BCKDHA: variants seen among roughly 807,000 people sequenced by gnomAD.
BCKDHA encodes the protein branched chain keto acid dehydrogenase E1 subunit alpha.
BCKDHA carries 43 observed loss-of-function variants against 52.2 expected under a neutral mutation model. The observed-to-expected ratio is 0.82, with a 90% CI of 0.64 to 1.06. The LOEUF (loss-of-function observed/expected upper bound fraction) is 1.06, where lower values mean the gene tolerates loss of function less well. Among genes scored for constraint, BCKDHA ranks in the 50% least tolerant of loss-of-function variants. BCKDHA has a pLI of 0.00. For synonymous variants in BCKDHA, 234 were observed against 247.9 expected (o/e 0.94, Z 0.53); for missense variants, 527 against 621.3 (o/e 0.85, Z 1.61).
chr19:41,418,701 T>A (rs1156745892), intron 4 of BCKDHA: 1 of 448,648 alleles, frequency 2.2e-6, no homozygotes, highest in South Asian at 1.6e-5. Context: ...TGGCTAATGT[T>A]TTGATTTTTT....
chr19:41,412,400 C>CTTTTTTTTTTTTTTTTTTTTTTTTTTTT lies in BCKDHA; in HGVS notation c.375+1395_375+1396insTTTTTTTTTTTTTTTTTTTTTTTTTTTT. ...TATTTCTTTTTTTTTTTTTTTTTTA[C>CTTTTTTTTTTTTTTTTTTTTTTTTTTTT]TTTTGAGATGGAGTTTTGCTCTTGT... On this transcript the variant is annotated intron_variant, in intron 3 of 8. Transcript: ENST00000269980. Among the ~76,000 whole-genome samples the CTTTTTTTTTTTTTTTTTTTTTTTTTTTT allele has an allele frequency of 2.3e-3, 132 of 58,116 alleles. 1 individual carries two copies. The highest frequency in any genetic ancestry group is 0.011 in the Middle Eastern group (1 of 92). 38.1% of individuals were successfully genotyped at this position (58,116 alleles called of 152,430 possible).
At chr19:41,403,165 C>A (rs536310734) in intron 1 of BCKDHA, among the ~76,000 whole-genome samples, 4 of 152,316 alleles carry the variant, frequency 2.6e-5, no homozygotes, top group South Asian at 4.1e-4. Flanking sequence ...GCACGCCTTT[C>A]CCTTCTCACG....
At chr19:41,404,840 G>A (rs1260967136) in intron 1 of BCKDHA, among the ~76,000 whole-genome samples, 2 of 151,510 alleles carry the variant, frequency 1.3e-5, no homozygotes, top group Non-Finnish European at 2.9e-5. Flanking sequence ...GACCTTAAGT[G>A]ATTCACCTGC....
intron 4 of BCKDHA, among the ~76,000 whole-genome samples, chr19:41,416,637 G>A (rs746746886): frequency 6.6e-6 from 1 of 152,168 alleles, no homozygotes; most frequent in Non-Finnish European, 1.5e-5. Context: ...GAGGAAGCAC[G>A]TGCCAGGTGT....
chr19:41,420,538 G>T (rs2039353000), intron 5 of BCKDHA, among the ~76,000 whole-genome samples: 1 of 151,844 alleles, frequency 6.6e-6, no homozygotes, highest in Non-Finnish European at 1.5e-5. Flanking sequence ...GGCAGAGTTT[G>T]CAGTGAGCTG....
chr19:41,414,193 T>C (rs757597382), intron 4 of BCKDHA, 36 bp downstream of exon 4: 3 of 1,584,602 alleles, frequency 1.9e-6, no homozygotes, highest in African/African-American at 2.7e-5. Flanking sequence ...GTGGTCCCCA[T>C]TGAAGTGTAC....
chr19:41,412,729 A>G (rs2039269953), intron 3 of BCKDHA, among the ~76,000 whole-genome samples: 1 of 148,098 alleles, frequency 6.8e-6, no homozygotes, highest in Non-Finnish European at 1.5e-5. Flanking sequence ...TTAGAGACGG[A>G]GTCCACCTCT....
intron 6 of BCKDHA, 69 bp from the exon 7 acceptor site, chr19:41,422,560 G>A (rs1260123667): frequency 1.9e-5 from 31 of 1,607,040 alleles, no homozygotes; most frequent in East Asian, 6.7e-5. Context: ...CTCCCTGCTC[G>A]TCCCCTTGGC....
chr19:41,417,625 C>T (rs574884215), intron 4 of BCKDHA, among the ~76,000 whole-genome samples: 2 of 152,268 alleles, frequency 1.3e-5, no homozygotes, highest in South Asian at 4.1e-4. Context: ...TCAACTCTAA[C>T]TAAAATATCA....
At chr19:41,416,192 C>T (rs1167589813) in intron 4 of BCKDHA, among the ~76,000 whole-genome samples, 3 of 152,208 alleles carry the variant, frequency 2.0e-5, no homozygotes, top group Admixed American at 6.5e-5. Flanking sequence ...GATTCGTTTG[C>T]CTTGGCCTCC....
intron 4 of BCKDHA, among the ~76,000 whole-genome samples, chr19:41,418,309 C>T (rs955030227): frequency 2.3e-4 from 35 of 152,154 alleles, no homozygotes; most frequent in South Asian, 1.2e-3. Flanking sequence ...ACTCTTCAGG[C>T]GGGGCAAAGA....
At chr19:41,400,350 C>T (rs2039124694) in intron 1 of BCKDHA, 2 of 152,146 alleles carry the variant, frequency 1.3e-5, no homozygotes, top group Admixed American at 1.3e-4. Flanking sequence ...AGTGATTCTC[C>T]TGCCTCAGCC....
In BCKDHA at chr19:41,424,445, A is replaced by G. The variant is rs748654769; in HGVS notation, c.1175A>G (p.Glu392Gly). The G allele has an allele frequency of 6.2e-7, 1 of 1,613,996 alleles. No homozygotes were observed. The highest frequency in any genetic ancestry group is 2.2e-5 in the East Asian group (1 of 44,888). Residue 392 changes from glutamate (E) to glycine (G), a missense_variant, in exon 9 of 9, where the codon GAG (glutamate) becomes GGG (glycine). Physicochemically the swap from Glu to Gly is moderately conservative, Grantham distance 98. Coordinates refer to ENST00000269980, the MANE Select transcript of BCKDHA (RefSeq NM_000709.4). ...TGCCCCATGTCCCCACAGGTGATGG[A>G]GGCCTTTGAGCAGGCCGAGCGGAAG... ...WRKQSRRKVM[E>G]AFEQAERKPK...
At chr19:41,410,885 C>T (rs1191190303) in intron 2 of BCKDHA, 38 bp from the exon 3 acceptor site, 13 of 1,613,786 alleles carry the variant, frequency 8.1e-6, no homozygotes, top group Non-Finnish European at 1.1e-5. Flanking sequence ...CCTCTCTGGT[C>T]CCAACTGCCC....
At chr19:41,421,394 G>A (rs1010783526) in intron 5 of BCKDHA, among the ~76,000 whole-genome samples, 2 of 152,136 alleles carry the variant, frequency 1.3e-5, no homozygotes, top group Non-Finnish European at 1.5e-5. Context: ...CGGGTGTGGT[G>A]CACTGTAGGG....
chr19:41,406,699 A>G (rs2039196958), intron 1 of BCKDHA, among the ~76,000 whole-genome samples: 1 of 151,656 alleles, frequency 6.6e-6, no homozygotes. Context: ...CCTCCCAAGT[A>G]GCTGGGATTA....
intron 1 of BCKDHA, among the ~76,000 whole-genome samples, chr19:41,409,534 G>A (rs759322902): frequency 3.9e-5 from 6 of 152,114 alleles, no homozygotes; most frequent in Non-Finnish European, 5.9e-5. Flanking sequence ...CCAGAGTAGA[G>A]TGGACACTGA....
At chr19:41,403,465 G>C (rs1477121166) in intron 1 of BCKDHA, among the ~76,000 whole-genome samples, 1 of 152,204 alleles carries the variant, frequency 6.6e-6, no homozygotes, top group Non-Finnish European at 1.5e-5. Context: ...AAAGTGCTTT[G>C]AGTGGCACCT....
intron 5 of BCKDHA, among the ~76,000 whole-genome samples, chr19:41,419,746 CTTTT>C (rs201343587): frequency 7.8e-6 from 1 of 127,848 alleles, no homozygotes; most frequent in Non-Finnish European, 1.7e-5. Context: ...GCCCAGCCCA[CTTTT>C]TTTTTTTTTT....
Sources: allele counts gnomAD v4.1 joint callset (sites outside exome capture counted in the v4.1 genomes callset), GRCh38; gene constraint gnomAD v4.1.1; transcripts MANE v1.5; gene names NCBI Gene and HGNC (gene_info 2026-07-23, HGNC 2026-07-21).